Variants in CABCOCO1 observed in about 807,000 individuals in gnomAD.
The protein encoded by CABCOCO1 is ciliary associated calcium binding coiled-coil 1.
Under a neutral mutation model 35.7 loss-of-function variants are expected in CABCOCO1, and 28 were observed. The ratio of observed to expected loss-of-function variants is 0.78; its 90% CI spans 0.58 to 1.07. The LOEUF (loss-of-function observed/expected upper bound fraction) is 1.07, where lower values mean the gene tolerates loss of function less well. Among genes scored for constraint, CABCOCO1 ranks in the 50% least tolerant of loss-of-function variants. The pLI is 0.00. For synonymous variants in CABCOCO1, 95 were observed against 100.1 expected (o/e 0.95, Z 0.30); for missense variants, 326 against 309.2 (o/e 1.05, Z -0.41).
chr10:61,676,009 G>A (rs1839502496), intron 2 of CABCOCO1, among the ~76,000 whole-genome samples: 1 of 152,026 alleles, frequency 6.6e-6, no homozygotes, highest in Admixed American at 6.5e-5. Context: ...AATTTTTGTG[G>A]GATAAATTTA....
intron 5 of CABCOCO1, among the ~76,000 whole-genome samples, chr10:61,716,843 A>C (rs1840880334): frequency 6.6e-6 from 1 of 152,118 alleles, no homozygotes; most frequent in Admixed American, 6.6e-5. Flanking sequence ...AATAAAATCC[A>C]AACTTTCTAA....
chr10:61,671,324 C>CAA (rs1404559573), intron 1 of CABCOCO1, among the ~76,000 whole-genome samples: 2 of 126,478 alleles, frequency 1.6e-5, no homozygotes, highest in Admixed American at 8.1e-5. Flanking sequence ...GGCTCCGTCT[C>CAA]AAAAAAAAAA....
intron 2 of CABCOCO1, among the ~76,000 whole-genome samples, chr10:61,677,016 A>T (rs1027637801): frequency 2.0e-5 from 3 of 151,900 alleles, no homozygotes; most frequent in Non-Finnish European, 2.9e-5. Context: ...GTGAGCCGGG[A>T]TGGAGCCACT....
At chr10:61,763,351 C>T (rs544873130) in intron 7 of CABCOCO1, among the ~76,000 whole-genome samples, 31 of 152,140 alleles carry the variant, frequency 2.0e-4, no homozygotes, top group Admixed American at 6.6e-4. Context: ...CCCATTGACT[C>T]ACTTTATGGT....
chr10:61,738,272 C>T (rs1841470373), intron 5 of CABCOCO1, among the ~76,000 whole-genome samples: 1 of 151,996 alleles, frequency 6.6e-6, no homozygotes, highest in Non-Finnish European at 1.5e-5. Context: ...GAATGGAGGC[C>T]AGTTACAGGA....
At chr10:61,692,352 T>C (rs1160186409) in intron 5 of CABCOCO1, among the ~76,000 whole-genome samples, 2 of 152,156 alleles carry the variant, frequency 1.3e-5, no homozygotes, top group Admixed American at 1.3e-4. Flanking sequence ...CTTGTTTTTT[T>C]CTTGTAAATT....
chr10:61,742,314 C>T (rs1829958539), intron 5 of CABCOCO1, among the ~76,000 whole-genome samples: 2 of 152,156 alleles, frequency 1.3e-5, no homozygotes, highest in African/African-American at 4.8e-5. Context: ...CCACATTAGA[C>T]TATAAACTCA....
At chr10:61,704,218 T>A (rs1840540336) in intron 5 of CABCOCO1, among the ~76,000 whole-genome samples, 1 of 152,152 alleles carries the variant, frequency 6.6e-6, no homozygotes, top group Non-Finnish European at 1.5e-5. Context: ...AGTGAAACCC[T>A]GTCTAAAAAT....
intron 5 of CABCOCO1, among the ~76,000 whole-genome samples, chr10:61,758,512 T>C (rs1313602878): frequency 6.6e-6 from 1 of 152,126 alleles, no homozygotes; most frequent in African/African-American, 2.4e-5. Flanking sequence ...TCTATTTTGA[T>C]TAACATTTAG....
intron 5 of CABCOCO1, among the ~76,000 whole-genome samples, chr10:61,747,053 TA>T (rs1469478058): frequency 1.3e-5 from 2 of 152,098 alleles, no homozygotes; most frequent in African/African-American, 4.8e-5. Context: ...GCAAACACTT[TA>T]AAAAAATCTT....
intron 5 of CABCOCO1, among the ~76,000 whole-genome samples, chr10:61,726,338 G>A (rs1841148656): frequency 6.6e-6 from 1 of 151,926 alleles, no homozygotes; most frequent in Non-Finnish European, 1.5e-5. Flanking sequence ...CATATTCACA[G>A]GATATTGACA....
At chr10:61,728,787 T>C (rs1464770696) in intron 5 of CABCOCO1, among the ~76,000 whole-genome samples, 5 of 152,130 alleles carry the variant, frequency 3.3e-5, no homozygotes, top group African/African-American at 7.2e-5. Flanking sequence ...GGCAGCAGTG[T>C]AGGGGACTAC....
intron 5 of CABCOCO1, chr10:61,701,566 G>T: frequency 1.1e-6 from 1 of 885,876 alleles, no homozygotes. Flanking sequence ...ATAGATGGCA[G>T]GACTTGGGGG....
intron 6 of CABCOCO1, 68 bp downstream of exon 6, chr10:61,760,249 G>C: frequency 6.6e-7 from 1 of 1,510,018 alleles, no homozygotes; most frequent in Non-Finnish European, 9.0e-7. Context: ...GGGAGGAAAC[G>C]AACTAAATGT....
At chr10:61,727,074 A>T (rs888835278) in intron 5 of CABCOCO1, among the ~76,000 whole-genome samples, 2 of 152,030 alleles carry the variant, frequency 1.3e-5, no homozygotes, top group Non-Finnish European at 2.9e-5. Context: ...ACACAAAAAA[A>T]ATGTTATAAT....
At chr10:61,725,231 C>T (rs987038572) in intron 5 of CABCOCO1, among the ~76,000 whole-genome samples, 10 of 152,100 alleles carry the variant, frequency 6.6e-5, no homozygotes, top group Admixed American at 1.3e-4. Context: ...ACCAGAAATA[C>T]CATTTTACCC....
chr10:61,667,288 C>T lies in CABCOCO1; in HGVS notation c.60+4256C>T, dbSNP rs551473244. Reference sequence around the variant, plus strand: ...ACATATTTATCTCTACAAAATAAGTCTTTGGATTCTTTATGCTTTTCCACG... The same window carrying T: ...ACATATTTATCTCTACAAAATAAGTTTTTGGATTCTTTATGCTTTTCCACG... On this transcript the variant is annotated intron_variant, in intron 1 of 7. Transcript: ENST00000648843. 5.1e-3 allele frequency among the ~76,000 whole-genome samples: 768 copies of T among 149,632 alleles called. 4 individuals are homozygous for T. The highest frequency in any genetic ancestry group is 9.2e-3 in the Non-Finnish European group (622 of 67,400).
In CABCOCO1 at chr10:61,760,096, TC is replaced by T; in HGVS notation, c.593del (p.Pro198GlnfsTer17). ...GTTGTCAAGTCTGCATGTGGCCCTT[TC>T]CCAAATCCTCTGGAAGAAGGAATCT... Reference protein sequence around the residue: ...IEVVKSACGPFPNPLEEGISF... With the variant: ...IEVVKSACGPXPNPLEEGISF... On this transcript the variant is annotated frameshift_variant, in exon 6 of 8. Coordinates refer to ENST00000648843, the MANE Select transcript of CABCOCO1 (RefSeq NM_001366906.2). LOFTEE classifies it high-confidence loss of function. 3 of 1,612,848 alleles carry T rather than the reference TC, an allele frequency of 1.9e-6. No homozygotes were observed. The Middle Eastern group carries it at 5.0e-4, about 267-fold the overall frequency.
intron 5 of CABCOCO1, among the ~76,000 whole-genome samples, chr10:61,715,239 T>C (rs1343855293): frequency 2.0e-5 from 3 of 152,244 alleles, no homozygotes; most frequent in Non-Finnish European, 4.4e-5. Context: ...GCTCTTCTTG[T>C]TGAATTGATC....
Sources: allele counts gnomAD v4.1 joint callset (sites outside exome capture counted in the v4.1 genomes callset), GRCh38; gene constraint gnomAD v4.1.1; transcripts MANE v1.5; gene names NCBI Gene and HGNC (gene_info 2026-07-23, HGNC 2026-07-21).